The following ZNF451 variants were observed in gnomAD, a reference collection of about 807,000 sequenced individuals.
The protein encoded by ZNF451 is E3 SUMO-protein ligase ZNF451.
ZNF451 carries 80 observed loss-of-function variants against 107.1 expected under a neutral mutation model. That is an observed-to-expected ratio of 0.75 (90% CI 0.62 to 0.90). ZNF451 has a LOEUF of 0.90. Ranked by LOEUF, ZNF451 falls within the 40% of genes least tolerant of loss-of-function variation. ZNF451 has a pLI of 0.00. For synonymous variants in ZNF451, 362 were observed against 406.5 expected, an observed-to-expected ratio of 0.89 and a Z score of 1.32; for missense variants, 1,107 against 1,236.2, an observed-to-expected ratio of 0.90 and a Z score of 1.57.
Position 57,147,689 on chromosome 6 carries a change from CA to C in ZNF451, c.1605del (p.Cys536AlafsTer5). The C allele has an allele frequency of 6.2e-7, 1 of 1,613,952 alleles. No individual in the cohort carries two copies. The highest frequency in any genetic ancestry group is 8.5e-7 in the Non-Finnish European group (1 of 1,179,952). On this transcript the variant is annotated frameshift_variant, in exon 10 of 15. Transcript: ENST00000370706. LOFTEE classifies it high-confidence loss of function. The stretch of plus-strand genomic sequence containing the variant: ...AATAACTTTCTTTTCTGGTGTCGGA[CA>C]TGCAAAAAGGAGTTAACAAGGAAAG... ...HLNNFLFWCR[T>X]CKKELTRKDT...
At position 57,147,649 on chromosome 6, in the gene ZNF451, G is replaced by A; in HGVS notation, c.1564G>A (p.Gly522Arg). The change falls in exon 10 of 15, where the codon GGA (glycine) becomes AGA (arginine). Residue 522 changes from glycine (G) to arginine (R), a missense_variant. Transcript: ENST00000370706. ...TCGTTTACACATGAGCCGGATTCACGGAGGGGCACATTTAAATAACTTTCT... is the reference window on the plus strand; with the variant it reads ...TCGTTTACACATGAGCCGGATTCACAGAGGGGCACATTTAAATAACTTTCT... ...VIRLHMSRIH[G>R]GAHLNNFLFW... is the part of the protein sequence containing the mutation. 1.2e-5 allele frequency: 19 copies of A among 1,614,102 alleles called. No homozygotes were observed. Among genetic ancestry groups the A allele is most frequent in the Non-Finnish European group, 1.5e-5 (18 of 1,179,984 alleles).
chr6:57,144,012 C>T (rs1420814849), intron 9 of ZNF451, among the ~76,000 whole-genome samples: 1 of 151,978 alleles, frequency 6.6e-6, no homozygotes, highest in East Asian at 1.9e-4. Flanking sequence ...TCTGTAGACA[C>T]AGAAAGTAGT....
At chr6:57,102,432 A>T in intron 3 of ZNF451, 1 of 1,011,424 alleles carries the variant, frequency 9.9e-7, no homozygotes. Context: ...TGTGTTCCTC[A>T]GGAAAATCTT....
chr6:57,103,626 T>C, intron 3 of ZNF451: 1 of 985,420 alleles, frequency 1.0e-6, no homozygotes, highest in Non-Finnish European at 1.2e-6. Flanking sequence ...CCTAGTATTA[T>C]TTGCTTGGCA....
chr6:57,117,946 C>G (rs1366664308), intron 3 of ZNF451, among the ~76,000 whole-genome samples: 1 of 152,132 alleles, frequency 6.6e-6, no homozygotes. Context: ...TTCTTCCTGT[C>G]CCTAGAATAT....
intron 3 of ZNF451, chr6:57,106,784 T>C: frequency 1.0e-6 from 1 of 985,354 alleles, no homozygotes; most frequent in Non-Finnish European, 1.2e-6. Context: ...CTAGATCGAT[T>C]CTGTGTGGTT....
chr6:57,141,056 C>T (rs889471821), intron 7 of ZNF451, among the ~76,000 whole-genome samples: 3 of 151,898 alleles, frequency 2.0e-5, no homozygotes, highest in Non-Finnish European at 4.4e-5. Flanking sequence ...AAATGTTCTT[C>T]TATATTTGTT....
At chr6:57,116,592 C>T (rs1275894164) in intron 3 of ZNF451, 1 of 152,010 alleles carries the variant, frequency 6.6e-6, no homozygotes, top group East Asian at 1.9e-4. Flanking sequence ...TAATAGTCTG[C>T]CTCATATACC....
intron 3 of ZNF451, among the ~76,000 whole-genome samples, chr6:57,119,523 CAAAAG>C (rs1409922629): frequency 6.6e-6 from 1 of 151,188 alleles, no homozygotes; most frequent in Non-Finnish European, 1.5e-5. Flanking sequence ...GACTCCGTCT[CAAAAG>C]AAAAAAGAAG....
At chr6:57,102,224 C>T in intron 3 of ZNF451, 1 of 1,394,808 alleles carries the variant, frequency 7.2e-7, no homozygotes, top group Non-Finnish European at 9.2e-7. Flanking sequence ...GGAATGATCA[C>T]AGCTGACATT....
chr6:57,126,675 C>T (rs1027256420), intron 4 of ZNF451: 3 of 152,232 alleles, frequency 2.0e-5, no homozygotes, highest in Middle Eastern at 6.8e-3. Flanking sequence ...AATCCCAGCA[C>T]TTTGGGAGGA....
Position 57,101,043 on chromosome 6 carries a change from T to C in ZNF451, c.186+1902T>C, listed in dbSNP as rs1275431952. 12 of 1,550,492 alleles carry C rather than the reference T, an allele frequency of 7.7e-6. No homozygotes were observed. In the East Asian group the frequency reaches 2.2e-4, roughly 28 times the overall value. ...CCAGGAGCTGTTTTAGATTTCATCA[T>C]TCTAGGCCAAGTGAGAACTCCTCAG... On this transcript the variant is annotated intron_variant, in intron 3 of 14. Coordinates refer to ENST00000370706, the MANE Select transcript of ZNF451 (RefSeq NM_001031623.3).
At chr6:57,107,694 G>C in intron 3 of ZNF451, 2 of 985,336 alleles carry the variant, frequency 2.0e-6, no homozygotes, top group Non-Finnish European at 2.4e-6. Context: ...GGGTTTTGTG[G>C]TACCTTGTCA....
At position 57,133,141 on chromosome 6, in the gene ZNF451, A is replaced by T; in HGVS notation, c.524A>T (p.His175Leu). 6.2e-7 allele frequency: 1 copy of T among 1,614,150 alleles called. No homozygotes were observed. The stretch of plus-strand genomic sequence containing the variant: ...AAACCAATTTTATGTCCTATAATGC[A>T]CTGTAACAAGGAGTTTGACAATGGG... ...SGKPILCPIM[H>L]CNKEFDNGHL... The change falls in exon 6 of 15, where the codon CAC (histidine) becomes CTC (leucine). Residue 175 changes from histidine (H) to leucine (L), a missense_variant. His to Leu is a moderately conservative substitution (Grantham distance 99). Around this residue, in one of 5 missense-constraint regions of ZNF451, gnomAD observed 339 missense variants for 372.8 expected, o/e 0.91. Coordinates refer to ENST00000370706, the MANE Select transcript of ZNF451 (RefSeq NM_001031623.3).
intron 2 of ZNF451, among the ~76,000 whole-genome samples, chr6:57,098,334 A>T (rs1212107912): frequency 6.6e-6 from 1 of 151,692 alleles, no homozygotes; most frequent in Non-Finnish European, 1.5e-5. Context: ...CACCTGGCCT[A>T]ATAATCAATC....
intron 9 of ZNF451, among the ~76,000 whole-genome samples, chr6:57,142,463 A>G (rs951570903): frequency 3.9e-5 from 6 of 152,216 alleles, no homozygotes; most frequent in Non-Finnish European, 7.3e-5. Flanking sequence ...TTTATCAAGT[A>G]ACCAAGAAAG....
At chr6:57,114,520 T>G (rs1433858813) in intron 3 of ZNF451, among the ~76,000 whole-genome samples, 1 of 152,228 alleles carries the variant, frequency 6.6e-6, no homozygotes, top group African/African-American at 2.4e-5. Context: ...GTGACTTTCC[T>G]TAATTCTTGA....
intron 3 of ZNF451, chr6:57,107,563 T>C: frequency 1.0e-6 from 1 of 985,028 alleles, no homozygotes; most frequent in Non-Finnish European, 1.2e-6. Context: ...CTTATAAAAA[T>C]TTTGAAGCCC....
chr6:57,115,758 A>G (rs1052431678), intron 3 of ZNF451, among the ~76,000 whole-genome samples: 2 of 152,134 alleles, frequency 1.3e-5, no homozygotes, highest in South Asian at 2.1e-4. Flanking sequence ...AATTTTCCCA[A>G]TATTTTTCCT....
Sources: gnomAD v4.1 joint callset for allele counts (sites outside exome capture counted in the v4.1 genomes callset) on GRCh38, gnomAD v4.1.1 for gene constraint, gnomAD v4.1.1 regional missense constraint, MANE v1.5 for transcripts, NCBI Gene and HGNC (gene_info 2026-07-23, HGNC 2026-07-21) for gene names.